Variants in BAZ1A observed in about 807,000 individuals in gnomAD.
BAZ1A encodes the protein bromodomain adjacent to zinc finger domain 1A, also known as bromodomain adjacent to zinc finger domain protein 1A.
A neutral mutation model predicts 185.2 loss-of-function variants in BAZ1A; 50 were observed. That is an observed-to-expected ratio of 0.27 (90% CI 0.22 to 0.34). The LOEUF is 0.34. BAZ1A is among the 10% of genes least tolerant of loss of function. The probability of loss-of-function intolerance (pLI) is 1.00; values close to 1 mark genes in which losing one functional copy is unlikely to be tolerated. For missense variants in BAZ1A, 1,356 were observed against 1,839.9 expected (o/e 0.74, Z 4.81); for synonymous variants, 571 against 615.6 (o/e 0.93, Z 1.07).
chr14:34,780,598 A>G lies in BAZ1A; in HGVS notation c.2112-288T>C, dbSNP rs1288592020. Among the ~76,000 whole-genome samples the G allele has an allele frequency of 2.0e-5, 3 of 152,216 alleles. No individual in the cohort carries two copies. In the East Asian group the frequency reaches 5.8e-4, roughly 29 times the overall value. On this transcript the variant is annotated intron_variant, in intron 16 of 26. Coordinates refer to ENST00000360310, the MANE Select transcript of BAZ1A (RefSeq NM_013448.3). ...TGGCTTGAAGAAGTGATATTTTACA[A>G]TGTGAGACCAGGGAGATGGGGAGGA...
intron 3 of BAZ1A, among the ~76,000 whole-genome samples, chr14:34,850,355 G>A (rs980602177): frequency 6.6e-6 from 1 of 152,188 alleles, no homozygotes; most frequent in African/African-American, 2.4e-5. Context: ...TCCAGCCTGG[G>A]CAACAGGGCA....
chr14:34,756,692 C>T (rs1246303680), intron 25 of BAZ1A, among the ~76,000 whole-genome samples: 2 of 151,820 alleles, frequency 1.3e-5, no homozygotes, highest in Admixed American at 6.6e-5. Context: ...TCTTGAACTC[C>T]TGATCTTAGG....
chr14:34,874,528 T>A lies in BAZ1A; in HGVS notation c.77A>T (p.Tyr26Phe). The part of the protein sequence containing the change: ...ADLRPDEEVF[Y>F]CKVTNEIFRH... Reference sequence around the variant, plus strand: ...GAAGATCTCGTTGGTGACTTTACAGTAGAAAACTTCCTCGTCGGGCCGCAG... The same window carrying A: ...GAAGATCTCGTTGGTGACTTTACAGAAGAAAACTTCCTCGTCGGGCCGCAG... Residue 26 changes from tyrosine to phenylalanine, a missense_variant, in exon 2 of 27, where the codon TAC becomes TTC. Tyr to Phe is a conservative substitution (Grantham distance 22). This residue lies in a region of BAZ1A where 332 missense variants were observed against 395.3 expected (regional missense o/e 0.84). Coordinates refer to ENST00000360310, the MANE Select transcript of BAZ1A (RefSeq NM_013448.3). The surrounding 1 kb of genome is among the most constrained non-coding windows in gnomAD (Gnocchi z 4.7). 1 of 1,611,780 alleles carries A rather than the reference T, an allele frequency of 6.2e-7. No individual in the cohort carries two copies. The highest frequency in any genetic ancestry group is 8.5e-7 in the Non-Finnish European group (1 of 1,179,042).
In BAZ1A at chr14:34,791,994, T is replaced by G. The variant is rs1211712820; in HGVS notation, c.1510+781A>C. ...AAAGGGCAAATTATCTAGTTCAAAC[T>G]CAGAAGTAAAATTTTATTTAACTCT... is the stretch of plus-strand genomic sequence containing the variant. On this transcript the variant is annotated intron_variant, in intron 12 of 26. Coordinates refer to ENST00000360310, the MANE Select transcript of BAZ1A (RefSeq NM_013448.3). 2.0e-5 allele frequency among the ~76,000 whole-genome samples: 3 copies of G among 152,202 alleles called. No individual in the cohort carries two copies. In the East Asian group the frequency reaches 5.8e-4, roughly 29 times the overall value.
intron 12 of BAZ1A, among the ~76,000 whole-genome samples, chr14:34,788,029 T>G (rs1013981754): frequency 1.3e-5 from 2 of 152,110 alleles, no homozygotes; most frequent in Non-Finnish European, 2.9e-5. Context: ...TTTTGTTTTT[T>G]TTTTTTGAAG....
intron 3 of BAZ1A, among the ~76,000 whole-genome samples, chr14:34,853,372 C>T (rs1208914752): frequency 6.6e-6 from 1 of 152,160 alleles, no homozygotes; most frequent in Non-Finnish European, 1.5e-5. Context: ...CTTTACTACT[C>T]TGTCACAACA....
chr14:34,819,484 T>C (rs865866426), intron 4 of BAZ1A, among the ~76,000 whole-genome samples: 9 of 152,252 alleles, frequency 5.9e-5, no homozygotes, highest in South Asian at 2.1e-4. Context: ...ATAATGTATA[T>C]AGGCATATAC....
At chr14:34,836,096 T>TAACTGAGAC (rs2042325469) in intron 3 of BAZ1A, among the ~76,000 whole-genome samples, 1 of 113,832 alleles carries the variant, frequency 8.8e-6, no homozygotes, top group East Asian at 2.4e-4. Context: ...AAACTTTCTA[T>TAACTGAGAC]AGGCCGGGCG....
At chr14:34,778,907 T>G (rs1388997925) in intron 17 of BAZ1A, among the ~76,000 whole-genome samples, 1 of 152,192 alleles carries the variant, frequency 6.6e-6, no homozygotes, top group East Asian at 1.9e-4. Flanking sequence ...CAGGCTGGAG[T>G]GCAGTGGCGC....
chr14:34,860,165 G>A (rs2042744575), intron 3 of BAZ1A, among the ~76,000 whole-genome samples: 1 of 152,044 alleles, frequency 6.6e-6, no homozygotes, highest in South Asian at 2.1e-4. Context: ...AGTACATTCA[G>A]AATGTTGTAC....
chr14:34,753,760 T>C (rs146060575), intron 26 of BAZ1A, 56 bp from the exon 27 acceptor site: 22,847 of 1,328,652 alleles, frequency 0.017, 364 homozygotes, highest in Non-Finnish European at 0.017. Flanking sequence ...TTATAATAAA[T>C]ATAATTCTTG....
intron 17 of BAZ1A, among the ~76,000 whole-genome samples, chr14:34,777,062 T>C (rs1472432976): frequency 2.0e-5 from 3 of 152,192 alleles, no homozygotes; most frequent in Admixed American, 1.3e-4. Flanking sequence ...AGAGTGCTAG[T>C]AGAGTATGTT....
At chr14:34,766,530 A>T (rs1461522961) in intron 21 of BAZ1A, among the ~76,000 whole-genome samples, 4 of 152,184 alleles carry the variant, frequency 2.6e-5, no homozygotes, top group Non-Finnish European at 5.9e-5. Context: ...GACCCCAGAA[A>T]GCTACCCCTT....
chr14:34,755,740 A>G (rs1403030430), intron 25 of BAZ1A, among the ~76,000 whole-genome samples: 1 of 151,860 alleles, frequency 6.6e-6, no homozygotes, highest in African/African-American at 2.4e-5. Flanking sequence ...CCATATATAT[A>G]TATAACCTAA....
chr14:34,790,737 A>G (rs1470854396), intron 12 of BAZ1A, among the ~76,000 whole-genome samples: 1 of 152,192 alleles, frequency 6.6e-6, no homozygotes. Flanking sequence ...ACTTTTATTT[A>G]GTGGCCAATA....
rs543441194 is a variant in BAZ1A at position 34,862,335 on chromosome 14, C to T, written c.114-13G>A. 1.7e-5 allele frequency: 27 copies of T among 1,578,170 alleles called. No homozygotes were observed. In the South Asian group the frequency reaches 2.8e-4, roughly 16 times the overall value. On this transcript the variant is annotated splice_polypyrimidine_tract_variant and intron_variant, in intron 2 of 26. Coordinates refer to ENST00000360310, the MANE Select transcript of BAZ1A (RefSeq NM_013448.3). ...TTCAAAAAAGTCACTGATTAAAAAA[C>T]AAAAACAAAAACAAAAGCCCATTAC...
At chr14:34,844,777 GCACACACACACACACACA>G (rs4007479) in intron 3 of BAZ1A, among the ~76,000 whole-genome samples, 1 of 86,804 alleles carries the variant, frequency 1.2e-5, no homozygotes, top group Non-Finnish European at 2.9e-5. Flanking sequence ...ACACACACGC[GCACACACACACACACACA>G]CACACACACA....
intron 21 of BAZ1A, among the ~76,000 whole-genome samples, chr14:34,767,968 T>C (rs528572598): frequency 1.6e-4 from 24 of 152,178 alleles, no homozygotes; most frequent in South Asian, 6.2e-4. Context: ...CTTATTCTAG[T>C]CCATAATGAA....
chr14:34,786,060 G>A lies in BAZ1A; in HGVS notation c.1607-59C>T. The A allele has an allele frequency of 3.8e-6, 6 of 1,571,344 alleles. No individual in the cohort carries two copies. In the South Asian group the frequency reaches 7.1e-5, roughly 19 times the overall value. ...ATATAAACAATAAATACTCAGCAAT[G>A]TAAATGTGCCTTTATAAAATTAAAA... On this transcript the variant is annotated intron_variant, in intron 13 of 26. Transcript: ENST00000360310.
Sources: gnomAD v4.1 joint callset for allele counts (sites outside exome capture counted in the v4.1 genomes callset) on GRCh38, gnomAD v4.1.1 for gene constraint, gnomAD v4.1.1 regional missense constraint, Gnocchi (gnomAD v3.1) non-coding constraint, MANE v1.5 for transcripts, NCBI Gene and HGNC (gene_info 2026-07-23, HGNC 2026-07-21) for gene names.